THRB: variants seen among roughly 807,000 people sequenced by gnomAD.
THRB encodes nuclear receptor subfamily 1 group A member 2.
In THRB, 12 loss-of-function variants were observed where a neutral mutation model predicts 47.8. That is an observed-to-expected ratio of 0.25 (90% CI 0.16 to 0.41). The LOEUF (loss-of-function observed/expected upper bound fraction) is 0.41, where lower values mean the gene tolerates loss of function less well. THRB is among the 10% of genes least tolerant of loss of function. THRB has a pLI of 1.00. For synonymous variants in THRB, 218 were observed against 212.2 expected, an observed-to-expected ratio of 1.03 and a Z score of -0.24; for missense variants, 348 against 589.2, an observed-to-expected ratio of 0.59 and a Z score of 4.24.
chr3:24,425,905 ATAAGTG>A (rs1189307995), intron 1 of THRB, among the ~76,000 whole-genome samples: 1 of 151,994 alleles, frequency 6.6e-6, no homozygotes, highest in African/African-American at 2.4e-5. Context: ...ATGAGAAACG[ATAAGTG>A]TAAGAGTTAA....
At chr3:24,451,227 T>C (rs906106294) in intron 1 of THRB, among the ~76,000 whole-genome samples, 23 of 135,568 alleles carry the variant, frequency 1.7e-4, no homozygotes, top group Non-Finnish European at 2.5e-4. Context: ...CCACTACATG[T>C]ACTTTTTTTT....
chr3:24,461,347 G>A (rs2073679492), intron 1 of THRB, among the ~76,000 whole-genome samples: 1 of 152,156 alleles, frequency 6.6e-6, no homozygotes, highest in Admixed American at 6.5e-5. Context: ...GATGTTGTGA[G>A]AATTAAGCGT....
intron 1 of THRB, among the ~76,000 whole-genome samples, chr3:24,400,115 C>T (rs1243058015): frequency 6.6e-6 from 1 of 152,040 alleles, no homozygotes; most frequent in Non-Finnish European, 1.5e-5. Context: ...GAGTTAATGA[C>T]CATAGGCCAA....
In THRB at chr3:24,307,612, G is replaced by A. The variant is rs145398512; in HGVS notation, c.-188-10241C>T. Among the ~76,000 whole-genome samples the A allele has an allele frequency of 5.3e-5, 8 of 152,162 alleles. No homozygotes were observed. The East Asian group carries it at 1.5e-3, about 29-fold the overall frequency. Reference sequence around the variant, plus strand: ...CAAATAATGCCACAAATAACTTTCTGTGCCAAAATTTATTTCTGAATTCTG... The same window carrying A: ...CAAATAATGCCACAAATAACTTTCTATGCCAAAATTTATTTCTGAATTCTG... On this transcript the variant is annotated intron_variant, in intron 2 of 10. Transcript: ENST00000646209.
intron 1 of THRB, among the ~76,000 whole-genome samples, chr3:24,373,289 G>A (rs1407941969): frequency 6.6e-6 from 1 of 152,146 alleles, no homozygotes; most frequent in Non-Finnish European, 1.5e-5. Flanking sequence ...GATAATGTAT[G>A]TGCAAACACA....
intron 2 of THRB, among the ~76,000 whole-genome samples, chr3:24,298,494 C>T (rs555949059): frequency 6.6e-6 from 1 of 152,362 alleles, no homozygotes; most frequent in Admixed American, 6.5e-5. Context: ...TGGCCTAACA[C>T]ATCTTGTATT....
chr3:24,447,662 T>C (rs888311104), intron 1 of THRB, among the ~76,000 whole-genome samples: 2 of 152,058 alleles, frequency 1.3e-5, no homozygotes, highest in Non-Finnish European at 2.9e-5. Context: ...ATAGCAAAAC[T>C]CTATGATCTG....
chr3:24,252,376 C>T (rs1476792139), intron 3 of THRB, among the ~76,000 whole-genome samples: 1 of 151,954 alleles, frequency 6.6e-6, no homozygotes, highest in Non-Finnish European at 1.5e-5. Flanking sequence ...GCTTATTTAA[C>T]TCCTAAAGAT....
chr3:24,205,663 A>T (rs2045244467), intron 4 of THRB, among the ~76,000 whole-genome samples: 1 of 152,232 alleles, frequency 6.6e-6, no homozygotes, highest in Non-Finnish European at 1.5e-5. Flanking sequence ...TTAACCTTAA[A>T]TGTAAATGGG....
intron 1 of THRB, among the ~76,000 whole-genome samples, chr3:24,482,612 C>T (rs1696650763): frequency 6.7e-6 from 1 of 150,188 alleles, no homozygotes; most frequent in Non-Finnish European, 1.5e-5. Context: ...ACACAGGACC[C>T]CCAGCTTCCA....
Position 24,488,556 on chromosome 3 carries a change from T to C in THRB, c.-261+6096A>G, listed in dbSNP as rs139211065. ...GATGAGTTGGACCATGAATTTGCCT[T>C]CTTTTTTTTTTTTTAATCTCTAAAT... is the stretch of plus-strand genomic sequence containing the variant. On this transcript the variant is annotated intron_variant, in intron 1 of 10. Coordinates refer to ENST00000646209, the MANE Select transcript of THRB (RefSeq NM_001354712.2). Among the ~76,000 whole-genome samples, 1,392 of 144,874 alleles carry C rather than the reference T, an allele frequency of 9.6e-3. 11 individuals are homozygous for C. The highest frequency in any genetic ancestry group is 0.029 in the South Asian group (134 of 4,640).
chr3:24,397,251 T>C (rs1010580248), intron 1 of THRB, among the ~76,000 whole-genome samples: 2 of 152,220 alleles, frequency 1.3e-5, no homozygotes, highest in Non-Finnish European at 2.9e-5. Context: ...TTACAAACAC[T>C]GGGTTTGCAA....
chr3:24,348,347 C>T (rs181450943), intron 1 of THRB, among the ~76,000 whole-genome samples: 1 of 152,206 alleles, frequency 6.6e-6, no homozygotes, highest in African/African-American at 2.4e-5. Context: ...CGCCCTGCCC[C>T]AGTGACCAGG....
Position 24,211,566 on chromosome 3 carries a change from C to A in THRB, c.22+17372G>T, listed in dbSNP as rs565653128. On this transcript the variant is annotated intron_variant, in intron 4 of 10. Coordinates refer to ENST00000646209, the MANE Select transcript of THRB (RefSeq NM_001354712.2). The stretch of plus-strand genomic sequence containing the variant: ...ATATTTGGATGGCACACTGTGTAGG[C>A]TTTTATCTTAAGCAAGTGAAGCAGA... 3.3e-5 allele frequency among the ~76,000 whole-genome samples: 5 copies of A among 152,294 alleles called. No individual in the cohort carries two copies. The East Asian group carries it at 9.6e-4, about 29-fold the overall frequency.
intron 6 of THRB, among the ~76,000 whole-genome samples, chr3:24,148,698 T>C (rs983676893): frequency 6.6e-6 from 1 of 152,194 alleles, no homozygotes; most frequent in Non-Finnish European, 1.5e-5. Context: ...TCTTTGGCTT[T>C]GATTATATAC....
chr3:24,154,499 G>A (rs1029683676), intron 5 of THRB, among the ~76,000 whole-genome samples: 1 of 152,040 alleles, frequency 6.6e-6, no homozygotes, highest in Non-Finnish European at 1.5e-5. Flanking sequence ...AAAATGAAGG[G>A]AAGAACATGA....
chr3:24,409,879 A>G (rs549366711), intron 1 of THRB, among the ~76,000 whole-genome samples: 1 of 151,956 alleles, frequency 6.6e-6, no homozygotes, highest in African/African-American at 2.4e-5. Context: ...ATCTGTAGAC[A>G]TTCCTGCATT....
chr3:24,441,123 T>G (rs2071484475), intron 1 of THRB, among the ~76,000 whole-genome samples: 1 of 152,330 alleles, frequency 6.6e-6, no homozygotes, highest in East Asian at 1.9e-4. Context: ...AGCTGAGGGC[T>G]GTTCTCAGTT....
At chr3:24,336,487 A>G (rs1382920145) in intron 2 of THRB, among the ~76,000 whole-genome samples, 1 of 152,244 alleles carries the variant, frequency 6.6e-6, no homozygotes, top group Non-Finnish European at 1.5e-5. Flanking sequence ...CACAGAAAGG[A>G]AAGTTCTGAC....
Sources: allele counts gnomAD v4.1 joint callset (sites outside exome capture counted in the v4.1 genomes callset), GRCh38; gene constraint gnomAD v4.1.1; transcripts MANE v1.5; gene names NCBI Gene and HGNC (gene_info 2026-07-23, HGNC 2026-07-21).